Variants in AK7 observed in about 807,000 individuals in gnomAD.
AK7 encodes the protein ATP-AMP transphosphorylase 7.
Under a neutral mutation model 96.6 loss-of-function variants are expected in AK7, and 78 were observed. The observed-to-expected ratio is 0.81, with a 90% CI of 0.67 to 0.97. The LOEUF is 0.97. AK7 is among the 50% of genes least tolerant of loss of function. The pLI, the probability that AK7 is intolerant of heterozygous loss-of-function variation, is 0.00. For missense variants in AK7, 855 were observed against 887.9 expected, an observed-to-expected ratio of 0.96 and a Z score of 0.47; for synonymous variants, 302 against 317.2, an observed-to-expected ratio of 0.95 and a Z score of 0.51.
At chr14:96,442,314 A>T (rs1358536309) in intron 6 of AK7, among the ~76,000 whole-genome samples, 1 of 152,170 alleles carries the variant, frequency 6.6e-6, no homozygotes, top group Non-Finnish European at 1.5e-5. Flanking sequence ...GGTAATTTTA[A>T]ATTTTAATTT....
At chr14:96,407,369 T>C (rs1890768610) in intron 3 of AK7, among the ~76,000 whole-genome samples, 1 of 152,180 alleles carries the variant, frequency 6.6e-6, no homozygotes, top group Non-Finnish European at 1.5e-5. Flanking sequence ...GTGATCATAG[T>C]GTTCTTAGAC....
At chr14:96,449,014 G>A (rs969281054) in intron 8 of AK7, among the ~76,000 whole-genome samples, 9 of 151,912 alleles carry the variant, frequency 5.9e-5, no homozygotes, top group African/African-American at 2.2e-4. Flanking sequence ...AGTGCCTGAC[G>A]AGGGCCTGCT....
chr14:96,469,951 G>A (rs1243767600), intron 12 of AK7, among the ~76,000 whole-genome samples: 1 of 152,042 alleles, frequency 6.6e-6, no homozygotes, highest in African/African-American at 2.4e-5. Flanking sequence ...TCGAGTAGCT[G>A]GGATTACAGG....
At chr14:96,472,974 C>A (rs890093367) in intron 14 of AK7, among the ~76,000 whole-genome samples, 1 of 151,842 alleles carries the variant, frequency 6.6e-6, no homozygotes, top group African/African-American at 2.4e-5. Flanking sequence ...CCTAGCTACT[C>A]GGGAGGCTAA....
At chr14:96,447,375 T>G (rs946559751) in intron 8 of AK7, among the ~76,000 whole-genome samples, 3 of 152,228 alleles carry the variant, frequency 2.0e-5, no homozygotes, top group African/African-American at 7.2e-5. Context: ...AGTGCCGTGG[T>G]GTGATCATAG....
chr14:96,484,607 A>C (rs549942513), intron 16 of AK7, among the ~76,000 whole-genome samples: 2 of 152,328 alleles, frequency 1.3e-5, no homozygotes, highest in African/African-American at 4.8e-5. Context: ...ATTGCCTCAC[A>C]GACACCTGGC....
At chr14:96,459,881 A>G (rs1172804901) in intron 12 of AK7, among the ~76,000 whole-genome samples, 1 of 152,186 alleles carries the variant, frequency 6.6e-6, no homozygotes, top group African/African-American at 2.4e-5. Flanking sequence ...CCTCTCAAAA[A>G]AAAAGAAAGA....
Position 96,486,076 on chromosome 14 carries a change from G to A in AK7, c.1975-822G>A, listed in dbSNP as rs556371215. On this transcript the variant is annotated intron_variant, in intron 16 of 17. Transcript: ENST00000267584. ...TGGGATTACAGGCGTGAGCCACCGCGCCCAGCCCAGCTAGGACTCTTTATC... is the reference window on the plus strand; with the variant it reads ...TGGGATTACAGGCGTGAGCCACCGCACCCAGCCCAGCTAGGACTCTTTATC... Among the ~76,000 whole-genome samples, 10 of 152,238 alleles carry A rather than the reference G, an allele frequency of 6.6e-5. No individual in the cohort carries two copies. In the East Asian group the frequency reaches 1.7e-3, roughly 26 times the overall value.
At chr14:96,427,322 A>G (rs1041565086) in intron 5 of AK7, among the ~76,000 whole-genome samples, 1 of 152,224 alleles carries the variant, frequency 6.6e-6, no homozygotes, top group Non-Finnish European at 1.5e-5. Flanking sequence ...ATGTTTGGGG[A>G]GGCCTCAGGA....
intron 2 of AK7, among the ~76,000 whole-genome samples, chr14:96,403,614 C>A (rs1317205657): frequency 6.6e-6 from 1 of 152,204 alleles, no homozygotes; most frequent in Non-Finnish European, 1.5e-5. Context: ...AAGGCATCAA[C>A]TTCCCTTTGT....
intron 7 of AK7, among the ~76,000 whole-genome samples, chr14:96,445,838 C>T (rs1376091293): frequency 6.6e-6 from 1 of 152,256 alleles, no homozygotes; most frequent in Non-Finnish European, 1.5e-5. Flanking sequence ...TGTTGTTTCT[C>T]TCTGGAATTT....
At chr14:96,398,292 A>G (rs765217516) in intron 2 of AK7, 29 bp downstream of exon 2, 8 of 1,609,428 alleles carry the variant, frequency 5.0e-6, no homozygotes, top group Middle Eastern at 2.2e-4. Context: ...GGCCAGGAGT[A>G]GACAGAGGGA....
chr14:96,459,844 T>G (rs758682318), intron 12 of AK7, among the ~76,000 whole-genome samples: 42 of 151,924 alleles, frequency 2.8e-4, no homozygotes, highest in Non-Finnish European at 5.4e-4. Context: ...ACCACTGTAC[T>G]CTAGCCTGGG....
chr14:96,403,071 G>A (rs1301145460), intron 2 of AK7, among the ~76,000 whole-genome samples: 2 of 151,652 alleles, frequency 1.3e-5, no homozygotes, highest in African/African-American at 4.9e-5. Context: ...AGCTGAGATT[G>A]TGCCACTGCA....
chr14:96,429,222 C>A (rs1892203017), intron 5 of AK7, among the ~76,000 whole-genome samples: 1 of 152,104 alleles, frequency 6.6e-6, no homozygotes, highest in South Asian at 2.1e-4. Context: ...ATAGGGAATC[C>A]TTTCCCCTTT....
chr14:96,421,004 C>A, intron 5 of AK7, 72 bp downstream of exon 5: 2 of 1,071,820 alleles, frequency 1.9e-6, no homozygotes, highest in Middle Eastern at 2.0e-4. Flanking sequence ...TTTCCTGAGA[C>A]TTACCCCACG....
chr14:96,469,777 A>G (rs773020942), intron 12 of AK7, among the ~76,000 whole-genome samples: 7 of 152,132 alleles, frequency 4.6e-5, no homozygotes, highest in Non-Finnish European at 1.0e-4. Flanking sequence ...ATGGTGTGAC[A>G]CTGAAAGGTA....
intron 8 of AK7, among the ~76,000 whole-genome samples, chr14:96,449,420 GTGTTTGTT>G (rs72383489): frequency 5.8e-4 from 88 of 151,738 alleles, no homozygotes; most frequent in African/African-American, 2.0e-3. Context: ...TCATTTGAGG[GTGTTTGTT>G]TGTTTGTTTG....
chr14:96,437,890 G>A lies in AK7; in HGVS notation c.665G>A (p.Gly222Glu), dbSNP rs1405497122. ...GCTGGACTCCAGTATGGAGCGGAAGGAGGCATGTTACACACATTTTTTAAG... is the reference window on the plus strand; with the variant it reads ...GCTGGACTCCAGTATGGAGCGGAAGAAGGCATGTTACACACATTTTTTAAG... ...VAAGLQYGAEGGMLHTFFKMA... is the reference protein window; with the variant it reads ...VAAGLQYGAEEGMLHTFFKMA... Residue 222 changes from glycine to glutamate, a missense_variant, in exon 6 of 18, where the codon GGA becomes GAA. Gly to Glu is a moderately conservative substitution (Grantham distance 98). Coordinates refer to ENST00000267584, the MANE Select transcript of AK7 (RefSeq NM_152327.5). 6.2e-7 allele frequency: 1 copy of A among 1,613,842 alleles called. No individual in the cohort carries two copies.
Sources: gnomAD v4.1 joint callset for allele counts (sites outside exome capture counted in the v4.1 genomes callset) on GRCh38, gnomAD v4.1.1 for gene constraint, MANE v1.5 for transcripts, NCBI Gene and HGNC (gene_info 2026-07-23, HGNC 2026-07-21) for gene names.